Variants in KALRN observed in about 807,000 individuals in gnomAD.
KALRN encodes kalirin RhoGEF kinase.
A neutral mutation model predicts 353.7 loss-of-function variants in KALRN; 70 were observed. That is an observed-to-expected ratio of 0.20 (90% CI 0.16 to 0.24). The LOEUF (loss-of-function observed/expected upper bound fraction) is 0.24. Ranked by LOEUF, KALRN falls within the 10% of genes least tolerant of loss-of-function variation. The pLI is 1.00. For synonymous variants in KALRN, 1,391 were observed against 1,434.8 expected, an observed-to-expected ratio of 0.97 and a Z score of 0.69; for missense variants, 2,791 against 3,756.7, an observed-to-expected ratio of 0.74 and a Z score of 6.72.
At chr3:124,100,229 TG>T (rs1241736666) in intron 1 of KALRN, 2 of 152,242 alleles carry the variant, frequency 1.3e-5, no homozygotes, top group Non-Finnish European at 2.9e-5. Flanking sequence ...TGGGTTGTTT[TG>T]TTTTGTTTTG....
intron 17 of KALRN, among the ~76,000 whole-genome samples, chr3:124,434,980 T>C (rs1054310766): frequency 1.3e-5 from 2 of 152,250 alleles, no homozygotes; most frequent in Admixed American, 6.5e-5. Context: ...TCTGTTCCCA[T>C]GTCTCTTGTC....
chr3:124,157,101 A>C (rs1294016551), intron 1 of KALRN, among the ~76,000 whole-genome samples: 1 of 152,248 alleles, frequency 6.6e-6, no homozygotes, highest in African/African-American at 2.4e-5. Flanking sequence ...CAGTCTTTTC[A>C]TGACTACATA....
At chr3:124,592,450 A>C (rs973522617) in intron 34 of KALRN, among the ~76,000 whole-genome samples, 1 of 147,482 alleles carries the variant, frequency 6.8e-6, no homozygotes, top group Admixed American at 6.7e-5. Flanking sequence ...GAGCATCTAC[A>C]TTATAAAAAA....
intron 55 of KALRN, 87 bp downstream of exon 55, chr3:124,697,811 T>C (rs1000760212): frequency 1.5e-6 from 2 of 1,297,360 alleles, no homozygotes; most frequent in African/African-American, 3.0e-5. Context: ...ATAATAAAAT[T>C]TACCATGCTA....
intron 5 of KALRN, among the ~76,000 whole-genome samples, chr3:124,296,822 T>C (rs2076885157): frequency 6.6e-6 from 1 of 152,228 alleles, no homozygotes; most frequent in South Asian, 2.1e-4. Context: ...CCCACTGGCC[T>C]TCATCTGGCT....
intron 3 of KALRN, among the ~76,000 whole-genome samples, chr3:124,259,445 C>T (rs1233651699): frequency 6.6e-6 from 1 of 152,198 alleles, no homozygotes; most frequent in Non-Finnish European, 1.5e-5. Context: ...GCAGCTTAGA[C>T]TTACACAGAA....
rs146745102 is a variant in KALRN, at chr3:124,585,730, G to C, written c.5182+22641G>C. Among the ~76,000 whole-genome samples, 1,066 of 152,260 alleles carry C rather than the reference G, an allele frequency of 7.0e-3. 11 individuals are homozygous for C. Among genetic ancestry groups the C allele is most frequent in the African/African-American group, 0.023 (963 of 41,528 alleles). On this transcript the variant is annotated intron_variant, in intron 34 of 59. Coordinates refer to ENST00000682506, the MANE Select transcript of KALRN (RefSeq NM_001388419.1). ...TCACTTTAACACACGCTAGGATAGCGGGGGAAGACTGTTTTTGTGTGGGTA... is the reference window on the plus strand; with the variant it reads ...TCACTTTAACACACGCTAGGATAGCCGGGGAAGACTGTTTTTGTGTGGGTA...
intron 1 of KALRN, among the ~76,000 whole-genome samples, chr3:124,161,005 G>T (rs764956743): frequency 3.9e-5 from 6 of 152,152 alleles, no homozygotes; most frequent in African/African-American, 1.4e-4. Context: ...AGTAATGAAG[G>T]TTTCAGTTTG....
At position 124,078,870 on chromosome 3, in the gene KALRN, G is replaced by A. The variant is rs190006857; in HGVS notation, c.73+45057G>A. ...TGAAGGTTTCTAGGGACTGGGACAA[G>A]GGTTGTTGATTGTATTCAACTTTTA... On this transcript the variant is annotated intron_variant, in intron 1 of 59. Coordinates refer to ENST00000682506, the MANE Select transcript of KALRN (RefSeq NM_001388419.1). 2.8e-4 allele frequency among the ~76,000 whole-genome samples: 42 copies of A among 152,220 alleles called. No individual in the cohort carries two copies. The East Asian group carries it at 7.7e-3, about 28-fold the overall frequency.
Position 124,326,044 on chromosome 3 carries a change from A to G in KALRN, c.1157A>G (p.Tyr386Cys), listed in dbSNP as rs764255455. Residue 386 changes from tyrosine (Y) to cysteine (C), a missense_variant, in exon 7 of 60, where the codon TAT (tyrosine) becomes TGT (cysteine). Transcript: ENST00000682506. ...VASRLSEAGHYASQQIKQIST... is the reference protein window; with the variant it reads ...VASRLSEAGHCASQQIKQIST... ...TCCCGCCTCTCTGAGGCCGGTCATT[A>G]TGCCTCACAACAAATCAAGCAGATC... 33 of 1,613,714 alleles carry G rather than the reference A, an allele frequency of 2.0e-5. No homozygotes were observed. Among genetic ancestry groups the G allele is most frequent in the Non-Finnish European group, 2.7e-5 (32 of 1,179,810 alleles).
intron 1 of KALRN, among the ~76,000 whole-genome samples, chr3:124,202,213 T>C (rs2076001321): frequency 6.6e-6 from 1 of 152,198 alleles, no homozygotes; most frequent in Non-Finnish European, 1.5e-5. Flanking sequence ...GTTCCCTCTT[T>C]GTGTAGAGAA....
At chr3:124,257,360 C>A (rs1486997371) in intron 3 of KALRN, among the ~76,000 whole-genome samples, 1 of 152,094 alleles carries the variant, frequency 6.6e-6, no homozygotes, top group African/African-American at 2.4e-5. Context: ...GAAGGCTTCC[C>A]CCAAATCAGC....
At chr3:124,402,460 G>T (rs1261286666) in intron 13 of KALRN, among the ~76,000 whole-genome samples, 1 of 152,194 alleles carries the variant, frequency 6.6e-6, no homozygotes, top group East Asian at 1.9e-4. Flanking sequence ...TGATAGAAGA[G>T]ACATTTCACC....
At chr3:124,435,782 T>G (rs1407600183) in intron 17 of KALRN, among the ~76,000 whole-genome samples, 1 of 152,218 alleles carries the variant, frequency 6.6e-6, no homozygotes, top group African/African-American at 2.4e-5. Context: ...GATCCCTAGA[T>G]TCAACACAGT....
intron 17 of KALRN, among the ~76,000 whole-genome samples, chr3:124,436,810 T>A (rs878889904): frequency 1.8e-5 from 2 of 111,680 alleles, no homozygotes. Context: ...TCACCTCAAG[T>A]TTGGTGACAG....
chr3:124,483,706 A>G (rs1464567588), intron 28 of KALRN, among the ~76,000 whole-genome samples: 1 of 152,248 alleles, frequency 6.6e-6, no homozygotes, highest in Admixed American at 6.5e-5. Flanking sequence ...CAAAGGGTAC[A>G]TATTAAAACA....
At chr3:124,150,540 C>A (rs1187015216) in intron 1 of KALRN, among the ~76,000 whole-genome samples, 1 of 152,160 alleles carries the variant, frequency 6.6e-6, no homozygotes, top group African/African-American at 2.4e-5. Context: ...CCTCCCCACC[C>A]CACAACAAAT....
chr3:124,352,149 G>T (rs1003162983), intron 10 of KALRN, among the ~76,000 whole-genome samples: 1 of 152,050 alleles, frequency 6.6e-6, no homozygotes, highest in Non-Finnish European at 1.5e-5. Flanking sequence ...TAAGGCCACC[G>T]AGTAGTTTTT....
intron 33 of KALRN, 90 bp downstream of exon 33, chr3:124,496,503 A>C: frequency 2.1e-6 from 2 of 943,628 alleles, no homozygotes; most frequent in Non-Finnish European, 3.4e-6. Context: ...TTCTCTCACT[A>C]TGGATCCTAC....
Sources: gnomAD v4.1 joint callset for allele counts (sites outside exome capture counted in the v4.1 genomes callset) on GRCh38, gnomAD v4.1.1 for gene constraint, MANE v1.5 for transcripts, NCBI Gene and HGNC (gene_info 2026-07-23, HGNC 2026-07-21) for gene names.